Variants in SUSD6 observed in about 807,000 individuals in gnomAD.
SUSD6 encodes the protein sushi domain-containing protein 6.
SUSD6 carries 16 observed loss-of-function variants against 28.4 expected under a neutral mutation model. That is an observed-to-expected ratio of 0.56 (90% CI 0.38 to 0.86). The LOEUF (loss-of-function observed/expected upper bound fraction) is 0.86, where lower values mean the gene tolerates loss of function less well. Ranked by LOEUF, SUSD6 falls within the 40% of genes least tolerant of loss-of-function variation. The pLI is 0.00. For synonymous variants in SUSD6, 147 were observed against 159.6 expected (o/e 0.92, Z 0.59); for missense variants, 341 against 384.2 (o/e 0.89, Z 0.94).
intron 1 of SUSD6, among the ~76,000 whole-genome samples, chr14:69,622,886 G>A (rs922212521): frequency 2.0e-5 from 3 of 152,224 alleles, no homozygotes; most frequent in Admixed American, 6.5e-5. Context: ...GAGCCACAGC[G>A]TCCGGCCAAA....
At chr14:69,630,374 C>T (rs533198590) in intron 1 of SUSD6, among the ~76,000 whole-genome samples, 9 of 152,322 alleles carry the variant, frequency 5.9e-5, no homozygotes, top group Non-Finnish European at 8.8e-5. Flanking sequence ...CAGCAAGGAG[C>T]AGAGAAAGGT....
At chr14:69,642,092 A>C (rs1885361142) in intron 1 of SUSD6, among the ~76,000 whole-genome samples, 1 of 151,920 alleles carries the variant, frequency 6.6e-6, no homozygotes, top group South Asian at 2.1e-4. Context: ...CCTGGGCTTT[A>C]TTTTGCATGC....
chr14:69,656,159 C>A (rs189415719), intron 1 of SUSD6, among the ~76,000 whole-genome samples: 97 of 150,486 alleles, frequency 6.4e-4, no homozygotes, highest in Non-Finnish European at 1.2e-3. Flanking sequence ...TTCCTCCATT[C>A]TTCCCTCCCT....
intron 1 of SUSD6, among the ~76,000 whole-genome samples, chr14:69,655,386 A>G (rs1363575203): frequency 6.6e-6 from 1 of 152,152 alleles, no homozygotes; most frequent in East Asian, 1.9e-4. Context: ...TATCTTTCAT[A>G]TATGTCATTG....
At position 69,641,759 on chromosome 14, in the gene SUSD6, TA is replaced by T. The variant is rs145436615; in HGVS notation, c.-80-16746del. On this transcript the variant is annotated intron_variant, in intron 1 of 5. Coordinates refer to ENST00000342745, the MANE Select transcript of SUSD6 (RefSeq NM_014734.4). ...TGCATGCCACTACACCCAGATAATT[TA>T]AAAAAAATTTTTTTTTTTTTGTAGA... Among the ~76,000 whole-genome samples, 38 of 146,922 alleles carry T rather than the reference TA, an allele frequency of 2.6e-4. 1 individual carries two copies. The highest frequency in any genetic ancestry group is 1.5e-3 in the South Asian group (6 of 4,118).
intron 1 of SUSD6, among the ~76,000 whole-genome samples, chr14:69,624,570 A>C (rs185678349): frequency 2.6e-5 from 4 of 151,160 alleles, no homozygotes; most frequent in Admixed American, 6.6e-5. Flanking sequence ...CTCCTACCTC[A>C]GCCTCCCAAG....
At chr14:69,634,692 T>C (rs1885239488) in intron 1 of SUSD6, among the ~76,000 whole-genome samples, 2 of 152,262 alleles carry the variant, frequency 1.3e-5, no homozygotes, top group South Asian at 4.1e-4. Flanking sequence ...CAAAACTCTT[T>C]GTGATTGTAG....
At chr14:69,626,158 A>G (rs553298228) in intron 1 of SUSD6, among the ~76,000 whole-genome samples, 1 of 152,308 alleles carries the variant, frequency 6.6e-6, no homozygotes, top group South Asian at 2.1e-4. Flanking sequence ...TACGGTTTCC[A>G]GAGAATGCGA....
At chr14:69,638,375 A>G (rs74922884) in intron 1 of SUSD6, among the ~76,000 whole-genome samples, 4,407 of 149,064 alleles carry the variant, frequency 0.03, 80 homozygotes, top group Middle Eastern at 0.07. Flanking sequence ...ATCTACCCCC[A>G]TCACTCTTGG....
At position 69,712,558 on chromosome 14, in the gene SUSD6, T is replaced by C. The variant is rs1319026343; in HGVS notation, c.*1579T>C. 1.3e-5 allele frequency: 2 copies of C among 152,184 alleles called. No homozygotes were observed. The highest frequency in any genetic ancestry group is 2.9e-5 in the Non-Finnish European group (2 of 68,038). The allele number at this position is 152,184 out of a possible 1,614,324, so 9.4% of individuals were successfully genotyped here. On this transcript the variant is annotated 3_prime_UTR_variant, in exon 6 of 6. Transcript: ENST00000342745. ...TGCTCCTCCCCTGAGCCTGTCTGCT[T>C]GGGGGTGGTAAAAATAAAAATCCCA... is the stretch of plus-strand genomic sequence containing the variant.
chr14:69,638,564 C>G (rs752509009), intron 1 of SUSD6, among the ~76,000 whole-genome samples: 3 of 151,776 alleles, frequency 2.0e-5, no homozygotes, highest in African/African-American at 7.3e-5. Context: ...GGCAGCATAC[C>G]CTAACCAGGA....
intron 1 of SUSD6, among the ~76,000 whole-genome samples, chr14:69,636,109 G>A (rs1390088065): frequency 1.3e-5 from 2 of 152,238 alleles, no homozygotes; most frequent in African/African-American, 4.8e-5. Flanking sequence ...TTGTGCCTTA[G>A]CAGTTGAATA....
Position 69,714,832 on chromosome 14 carries a change from G to A in SUSD6, c.*3853G>A, listed in dbSNP as rs11538024. On this transcript the variant is annotated 3_prime_UTR_variant, in exon 6 of 6. Transcript: ENST00000342745. ...TGCCAAGCAAGGAGGAGAGATGTAC[G>A]TGGGCTGTGTGGCAGTCCCCACACC... The A allele has an allele frequency of 0.018, 2,731 of 152,286 alleles. 36 individuals are homozygous for A. Among genetic ancestry groups the A allele is most frequent in the Middle Eastern group, 0.047 (14 of 296 alleles). The allele number at this position is 152,286 out of a possible 1,614,324, so 9.4% of individuals were successfully genotyped here. A position where few individuals can be genotyped will look rare whatever the true frequency, so the allele number is the denominator to read the frequency against.
chr14:69,695,448 C>G (rs1721282311), intron 2 of SUSD6, among the ~76,000 whole-genome samples: 1 of 152,220 alleles, frequency 6.6e-6, no homozygotes, highest in Admixed American at 6.5e-5. Context: ...GGCCCGCCAA[C>G]TTTAGACAAA....
intron 2 of SUSD6, among the ~76,000 whole-genome samples, chr14:69,693,782 GC>G (rs1280800754): frequency 2.0e-5 from 3 of 152,184 alleles, no homozygotes; most frequent in African/African-American, 7.2e-5. Context: ...TGCAGAGCAG[GC>G]CCCTGGGTCA....
intron 1 of SUSD6, among the ~76,000 whole-genome samples, chr14:69,640,081 G>C (rs7141232): frequency 0.013 from 2,012 of 151,038 alleles, 44 homozygotes; most frequent in African/African-American, 0.046. Flanking sequence ...GTGGGGGAGG[G>C]AGGAACCACG....
In SUSD6 at chr14:69,712,480, T is replaced by G. The variant is rs1018005429; in HGVS notation, c.*1501T>G. On this transcript the variant is annotated 3_prime_UTR_variant, in exon 6 of 6. Coordinates refer to ENST00000342745, the MANE Select transcript of SUSD6 (RefSeq NM_014734.4). ...TGTTTGTTTTGCTTTTTTCTGAAATTTTCTGAAGCACTGTGGCTGGGAAAC... is the reference window on the plus strand; with the variant it reads ...TGTTTGTTTTGCTTTTTTCTGAAATGTTCTGAAGCACTGTGGCTGGGAAAC... The G allele has an allele frequency of 1.8e-4, 27 of 152,268 alleles. 1 individual carries two copies. The highest frequency in any genetic ancestry group is 1.2e-4 in the Non-Finnish European group (8 of 68,092). The allele number at this position is 152,268 out of a possible 1,614,324, so 9.4% of individuals were successfully genotyped here. A position where few individuals can be genotyped will look rare whatever the true frequency, so the allele number is the denominator to read the frequency against.
intron 1 of SUSD6, among the ~76,000 whole-genome samples, chr14:69,624,755 G>A (rs1199217660): frequency 1.3e-5 from 2 of 152,086 alleles, no homozygotes; most frequent in East Asian, 1.9e-4. Flanking sequence ...GTGCCTGGCC[G>A]ATACTTAGTT....
intron 2 of SUSD6, among the ~76,000 whole-genome samples, chr14:69,680,477 C>T (rs1000400358): frequency 2.6e-5 from 4 of 152,178 alleles, no homozygotes; most frequent in Admixed American, 1.3e-4. Context: ...ATCTGTCTTC[C>T]ACCCTGCCAG....
Sources: gnomAD v4.1 joint callset for allele counts (sites outside exome capture counted in the v4.1 genomes callset) on GRCh38, gnomAD v4.1.1 for gene constraint, MANE v1.5 for transcripts, NCBI Gene and HGNC (gene_info 2026-07-23, HGNC 2026-07-21) for gene names.